The following ARB2A variants were observed in gnomAD, a reference collection of about 807,000 sequenced individuals.
ARB2A encodes the protein ARB2 cotranscriptional regulator A, also known as cotranscriptional regulator ARB2A.
At chr5:93,913,933 A>T in the ARB2A span, among the ~76,000 whole-genome samples, 1 of 151,950 alleles carries the variant, frequency 6.6e-6, no homozygotes, top group East Asian at 1.9e-4. Flanking sequence ...CAATAGACAG[A>T]GCTTGGTTTT....
At chr5:93,703,068 AAAGC>A in the ARB2A span, among the ~76,000 whole-genome samples, 1,472 of 152,352 alleles carry the variant, frequency 9.7e-3, 16 homozygotes, top group Non-Finnish European at 0.015. Flanking sequence ...TCCTTCTGGA[AAAGC>A]ACCAAGGTAT....
the ARB2A span, chr5:93,738,344 G>A: frequency 6.6e-6 from 1 of 152,514 alleles, no homozygotes; most frequent in Non-Finnish European, 1.5e-5. Flanking sequence ...TAGATTGCTG[G>A]TGGGAATGTA....
At chr5:93,853,448 T>A in the ARB2A span, among the ~76,000 whole-genome samples, 1 of 152,204 alleles carries the variant, frequency 6.6e-6, no homozygotes, top group Non-Finnish European at 1.5e-5. Context: ...ATACCCTTTA[T>A]TTCCTTCTCC....
the ARB2A span, among the ~76,000 whole-genome samples, chr5:93,829,601 T>C: frequency 1.3e-5 from 2 of 152,168 alleles, no homozygotes; most frequent in South Asian, 4.1e-4. Flanking sequence ...CTTAGTGTAA[T>C]AAATGAATAA....
chr5:93,709,137 A>G, the ARB2A span, among the ~76,000 whole-genome samples: 1 of 150,270 alleles, frequency 6.7e-6, no homozygotes, highest in East Asian at 2.0e-4. Context: ...CATGTTGTAT[A>G]CCTTGAATAT....
chr5:93,998,600 G>A, the ARB2A span, among the ~76,000 whole-genome samples: 1 of 151,858 alleles, frequency 6.6e-6, no homozygotes, highest in Non-Finnish European at 1.5e-5. Context: ...TTGGCTCAGA[G>A]CAACATACCA....
At chr5:94,099,624 CAAAAAAAA>C in the ARB2A span, among the ~76,000 whole-genome samples, 13 of 13,652 alleles carry the variant, frequency 9.5e-4, no homozygotes, top group African/African-American at 2.1e-3. Flanking sequence ...GACTCCGTCT[CAAAAAAAA>C]AAAAAAAAAA....
the ARB2A span, among the ~76,000 whole-genome samples, chr5:94,011,936 CAAA>C: frequency 3.3e-5 from 1 of 30,182 alleles, no homozygotes; most frequent in Admixed American, 4.4e-4. Flanking sequence ...AAAGGGTAGA[CAAA>C]AAAAAAAAAA....
At chr5:93,973,879 C>G in the ARB2A span, among the ~76,000 whole-genome samples, 3 of 152,152 alleles carry the variant, frequency 2.0e-5, no homozygotes, top group Non-Finnish European at 4.4e-5. Context: ...GAACTGATCA[C>G]TAGCAAAAAA....
At chr5:94,103,720 ATTC>A in the ARB2A span, among the ~76,000 whole-genome samples, 4 of 150,848 alleles carry the variant, frequency 2.7e-5, no homozygotes, top group Non-Finnish European at 1.5e-5. Context: ...CAGAATATAC[ATTC>A]TTCTTATCTG....
At chr5:94,017,202 A>G in the ARB2A span, among the ~76,000 whole-genome samples, 1 of 152,200 alleles carries the variant, frequency 6.6e-6, no homozygotes, top group Admixed American at 6.5e-5. Flanking sequence ...AGCAATATGC[A>G]TGTGTAAGGT....
At chr5:93,949,804 T>G in the ARB2A span, among the ~76,000 whole-genome samples, 1 of 152,072 alleles carries the variant, frequency 6.6e-6, no homozygotes, top group Non-Finnish European at 1.5e-5. Context: ...CCATTATCAT[T>G]CCCAGCCTCA....
chr5:93,830,592 C>T, the ARB2A span, among the ~76,000 whole-genome samples: 1 of 151,860 alleles, frequency 6.6e-6, no homozygotes, highest in Non-Finnish European at 1.5e-5. Context: ...GTTCTCCCTG[C>T]TGTCTTCTCA....
chr5:93,902,596 T>C, the ARB2A span, among the ~76,000 whole-genome samples: 1 of 152,152 alleles, frequency 6.6e-6, no homozygotes, highest in Non-Finnish European at 1.5e-5. Flanking sequence ...GTTTGAAATC[T>C]AAATATATTC....
At chr5:94,020,955 T>C in the ARB2A span, among the ~76,000 whole-genome samples, 2 of 152,146 alleles carry the variant, frequency 1.3e-5, no homozygotes, top group South Asian at 2.1e-4. Context: ...GATGAGTTGA[T>C]GGGTGCAGCA....
chr5:94,036,146 T>C, the ARB2A span, among the ~76,000 whole-genome samples: 1 of 152,208 alleles, frequency 6.6e-6, no homozygotes, highest in Non-Finnish European at 1.5e-5. Flanking sequence ...GTATTTTCTT[T>C]TTCTCTGCTC....
At chr5:93,922,327 C>A in the ARB2A span, among the ~76,000 whole-genome samples, 1 of 151,590 alleles carries the variant, frequency 6.6e-6, no homozygotes, top group African/African-American at 2.4e-5. Context: ...AGATAAGGAT[C>A]TTGGGATATT....
the ARB2A span, among the ~76,000 whole-genome samples, chr5:93,842,498 A>G: frequency 6.6e-6 from 1 of 152,190 alleles, no homozygotes; most frequent in Non-Finnish European, 1.5e-5. Flanking sequence ...AACCCCCTAA[A>G]ACTATGGTAA....
the ARB2A span, among the ~76,000 whole-genome samples, chr5:94,018,370 A>G: frequency 2.0e-5 from 3 of 152,162 alleles, no homozygotes; most frequent in African/African-American, 7.2e-5. Context: ...ATCACAACTT[A>G]CATTTGCTGT....
Sources: gnomAD v4.1 joint callset for allele counts (sites outside exome capture counted in the v4.1 genomes callset) on GRCh38, gnomAD v4.1.1 for gene constraint, MANE v1.5 for transcripts, NCBI Gene and HGNC (gene_info 2026-07-23, HGNC 2026-07-21) for gene names.